Variants in IFFO2 observed in about 807,000 individuals in gnomAD.
The protein encoded by IFFO2 is intermediate filament family orphan 2.
Under a neutral mutation model 53.5 loss-of-function variants are expected in IFFO2, and 19 were observed. The observed-to-expected ratio is 0.36, with a 90% CI of 0.25 to 0.52. The LOEUF is 0.52. Ranked by LOEUF, IFFO2 falls within the 20% of genes least tolerant of loss-of-function variation. IFFO2 has a pLI of 0.94. For missense variants in IFFO2, 570 were observed against 727.4 expected (o/e 0.78, Z 2.49); for synonymous variants, 303 against 313.6 (o/e 0.97, Z 0.36).
Position 18,911,871 on chromosome 1 carries a change from T to C in IFFO2, c.1224+92A>G. The C allele has an allele frequency of 2.1e-6, 3 of 1,457,726 alleles. No individual in the cohort carries two copies. The Admixed American group carries it at 6.1e-5, about 29-fold the overall frequency. The allele number at this position is 1,457,726 out of a possible 1,614,324, so 90.3% of individuals were successfully genotyped here. A position where few individuals can be genotyped will look rare whatever the true frequency, so the allele number is the denominator to read the frequency against. On this transcript the variant is annotated intron_variant, in intron 6 of 8. Coordinates refer to ENST00000455833, the MANE Select transcript of IFFO2 (RefSeq NM_001136265.2). Reference sequence around the variant, plus strand: ...GACAGTTTAGCTGTGTGGTGGGGGCTGTAGAAAAATAACAGGGATGAGGGA... The same window carrying C: ...GACAGTTTAGCTGTGTGGTGGGGGCCGTAGAAAAATAACAGGGATGAGGGA...
At chr1:18,927,028 G>A (rs554149245) in intron 1 of IFFO2, among the ~76,000 whole-genome samples, 6 of 152,176 alleles carry the variant, frequency 3.9e-5, no homozygotes, top group Admixed American at 1.3e-4. Context: ...TCCCAGTTGC[G>A]TGATCTTGAG....
chr1:18,927,969 G>A (rs1381772640), intron 1 of IFFO2, among the ~76,000 whole-genome samples: 1 of 152,232 alleles, frequency 6.6e-6, no homozygotes, highest in Non-Finnish European at 1.5e-5. Flanking sequence ...CGATAAGGGA[G>A]TGGGAGTGGG....
rs1935936400 is a variant in IFFO2 at position 18,905,651 on chromosome 1, T to C, written c.*2910A>G. ...AAAGAAAAATGTGTTGATTTGCCAA[T>C]AATTTTTTTCTCTGTTCGGAGTCTC... On this transcript the variant is annotated 3_prime_UTR_variant, in exon 9 of 9. Coordinates refer to ENST00000455833, the MANE Select transcript of IFFO2 (RefSeq NM_001136265.2). 1 of 151,784 alleles carries C rather than the reference T, an allele frequency of 6.6e-6. No individual in the cohort carries two copies. Among genetic ancestry groups the C allele is most frequent in the African/African-American group, 2.4e-5 (1 of 41,222 alleles). The allele number at this position is 151,784 out of a possible 1,614,324, so 9.4% of individuals were successfully genotyped here.
At chr1:18,945,481 G>T (rs1936574713) in intron 1 of IFFO2, among the ~76,000 whole-genome samples, 1 of 152,242 alleles carries the variant, frequency 6.6e-6, no homozygotes, top group African/African-American at 2.4e-5. Context: ...ACAGCAAACA[G>T]GCGGCAGTGA....
intron 1 of IFFO2, among the ~76,000 whole-genome samples, chr1:18,925,712 T>C (rs954578998): frequency 6.6e-6 from 1 of 152,236 alleles, no homozygotes; most frequent in Admixed American, 6.5e-5. Flanking sequence ...CACCTCAAAC[T>C]GGCTGGGCAC....
intron 1 of IFFO2, among the ~76,000 whole-genome samples, chr1:18,921,660 G>A (rs912954945): frequency 5.3e-5 from 8 of 152,196 alleles, no homozygotes; most frequent in South Asian, 2.1e-4. Flanking sequence ...ACTGAGGCTC[G>A]GAGAGGTTAA....
intron 1 of IFFO2, among the ~76,000 whole-genome samples, chr1:18,937,225 GC>G (rs1224024324): frequency 6.6e-6 from 1 of 152,196 alleles, no homozygotes; most frequent in East Asian, 1.9e-4. Flanking sequence ...TGGGGCTTGT[GC>G]AACCAAGGAT....
intron 1 of IFFO2, among the ~76,000 whole-genome samples, chr1:18,941,791 CA>C (rs1186740328): frequency 6.6e-6 from 1 of 152,206 alleles, no homozygotes; most frequent in Non-Finnish European, 1.5e-5. Flanking sequence ...AGGCTGCTTC[CA>C]AATCCACACA....
chr1:18,933,434 G>A (rs1936405149), intron 1 of IFFO2, among the ~76,000 whole-genome samples: 2 of 152,238 alleles, frequency 1.3e-5, no homozygotes. Context: ...GGTGGCTGGG[G>A]ATTATGGGGT....
rs1416640974 is a variant in IFFO2 at position 18,956,044 on chromosome 1, G to T, written c.289C>A (p.Arg97Ser). Residue 97 changes from arginine to serine, a missense_variant, in exon 1 of 9, where the codon CGC becomes AGC. Physicochemically the swap from Arg to Ser is moderately radical, Grantham distance 110. Transcript: ENST00000455833. This position sits in a 1 kb window ranked among gnomAD's most constrained non-coding sequence, Gnocchi z 6.4. ...QQQSERERRLRYKTFSREQAV... is the reference protein window; with the variant it reads ...QQQSERERRLSYKTFSREQAV... ...TGCTCGCGGGAGAAGGTCTTGTAGCGCAGCCGCCGCTCGCGCTCGCTCTGC... is the reference window on the plus strand; with the variant it reads ...TGCTCGCGGGAGAAGGTCTTGTAGCTCAGCCGCCGCTCGCGCTCGCTCTGC... 28 of 1,470,818 alleles carry T rather than the reference G, an allele frequency of 1.9e-5. No individual in the cohort carries two copies. Among genetic ancestry groups the T allele is most frequent in the Non-Finnish European group, 2.5e-5 (27 of 1,098,566 alleles). 91.1% of individuals were successfully genotyped at this position (1,470,818 alleles called of 1,614,324 possible).
Position 18,919,722 on chromosome 1 carries a change from G to T in IFFO2, c.778C>A (p.Arg260=). 6.4e-7 allele frequency: 1 copy of T among 1,551,612 alleles called. No homozygotes were observed. Among genetic ancestry groups the T allele is most frequent in the Non-Finnish European group, 8.7e-7 (1 of 1,146,944 alleles). ...IQEEMNEKIE[R]LKAELVVFKG... ...AACACCACCAGCTCGGCCTTGAGCC[G>T]CTCGATCTTCTCATTCATCTCCTCC... is the stretch of plus-strand genomic sequence containing the variant. The change falls in exon 3 of 9, where the codon CGG becomes AGG. Residue 260 remains arginine (R), a synonymous_variant. Transcript: ENST00000455833. The surrounding 1 kb of genome is among the most constrained non-coding windows in gnomAD (Gnocchi z 4.9).
chr1:18,949,552 C>T (rs769938622), intron 1 of IFFO2, among the ~76,000 whole-genome samples: 1 of 152,234 alleles, frequency 6.6e-6, no homozygotes, highest in East Asian at 1.9e-4. Flanking sequence ...CCTCTCAATG[C>T]GATCAAAAGC....
intron 1 of IFFO2, among the ~76,000 whole-genome samples, chr1:18,949,593 C>A (rs545661363): frequency 6.6e-6 from 1 of 152,250 alleles, no homozygotes; most frequent in African/African-American, 2.4e-5. Context: ...CCACAGCCTC[C>A]GGTGTCACTG....
At position 18,935,490 on chromosome 1, in the gene IFFO2, C is replaced by T. The variant is rs549329192; in HGVS notation, c.666-14369G>A. The stretch of plus-strand genomic sequence containing the variant: ...CCCAACAGGTTCTACACCCCTTCCC[C>T]TTTGTCCTTTTCCTCTCTCTCTCCC... On this transcript the variant is annotated intron_variant, in intron 1 of 8. Coordinates refer to ENST00000455833, the MANE Select transcript of IFFO2 (RefSeq NM_001136265.2). Among the ~76,000 whole-genome samples the T allele has an allele frequency of 2.0e-5, 3 of 152,234 alleles. No homozygotes were observed. In the East Asian group the frequency reaches 5.8e-4, roughly 29 times the overall value.
intron 1 of IFFO2, among the ~76,000 whole-genome samples, chr1:18,941,321 T>C (rs1936517377): frequency 6.6e-6 from 1 of 152,212 alleles, no homozygotes; most frequent in Non-Finnish European, 1.5e-5. Context: ...GGCCCTGCAA[T>C]CCCTTCCACC....
At chr1:18,930,840 C>T (rs538847949) in intron 1 of IFFO2, among the ~76,000 whole-genome samples, 2 of 152,304 alleles carry the variant, frequency 1.3e-5, no homozygotes, top group South Asian at 4.1e-4. Flanking sequence ...TGCCCAGGTT[C>T]CCAGCATCAC....
rs1038976483 is a variant in IFFO2 at position 18,907,357 on chromosome 1, C to T, written c.*1204G>A. 2.0e-5 allele frequency: 3 copies of T among 152,130 alleles called. No individual in the cohort carries two copies. Among genetic ancestry groups the T allele is most frequent in the African/African-American group, 7.2e-5 (3 of 41,422 alleles). The allele number at this position is 152,130 out of a possible 1,614,324, so 9.4% of individuals were successfully genotyped here. A position where few individuals can be genotyped will look rare whatever the true frequency, so the allele number is the denominator to read the frequency against. On this transcript the variant is annotated 3_prime_UTR_variant, in exon 9 of 9. Transcript: ENST00000455833. ...ACTGCTGAGAGCGGCTTGCGTGTGT[C>T]GAGGAGCAGAAAGAGGATGGCCCTC...
chr1:18,938,977 C>A (rs538037709), intron 1 of IFFO2, among the ~76,000 whole-genome samples: 7 of 152,246 alleles, frequency 4.6e-5, no homozygotes, highest in Admixed American at 2.0e-4. Flanking sequence ...CACTGCTTAA[C>A]CCCTTCTTGC....
At chr1:18,949,885 C>T (rs4912113) in intron 1 of IFFO2, among the ~76,000 whole-genome samples, 120,899 of 152,272 alleles carry the variant, frequency 0.79, 49,145 homozygotes, top group East Asian at 0.96. Context: ...GGCAAAGCCC[C>T]GCCTCGCATT....
Sources: gnomAD v4.1 joint callset for allele counts (sites outside exome capture counted in the v4.1 genomes callset) on GRCh38, gnomAD v4.1.1 for gene constraint, Gnocchi (gnomAD v3.1) non-coding constraint, MANE v1.5 for transcripts, NCBI Gene and HGNC (gene_info 2026-07-23, HGNC 2026-07-21) for gene names.